The following SPON1 variants were observed in gnomAD, a reference collection of about 807,000 sequenced individuals.
The protein encoded by SPON1 is spondin-1.
In SPON1, 52 loss-of-function variants were observed where a neutral mutation model predicts 111.7. That is an observed-to-expected ratio of 0.47 (90% confidence interval 0.37 to 0.59). The LOEUF (loss-of-function observed/expected upper bound fraction) is 0.59. Ranked by LOEUF, SPON1 falls within the 20% of genes least tolerant of loss-of-function variation. The probability of loss-of-function intolerance (pLI) is 0.00; values close to 1 mark genes in which losing one functional copy is unlikely to be tolerated. For synonymous variants in SPON1, 410 were observed against 395.8 expected (o/e 1.04, Z -0.43); for missense variants, 957 against 1,068.5 (o/e 0.90, Z 1.46).
At chr11:14,109,092 C>T (rs187923637) in intron 5 of SPON1, among the ~76,000 whole-genome samples, 1 of 152,136 alleles carries the variant, frequency 6.6e-6, no homozygotes, top group East Asian at 1.9e-4. Flanking sequence ...TTTAAGGAAG[C>T]TCTCCCTGAT....
chr11:14,075,197 C>G, intron 3 of SPON1, 148 bp from the exon 4 acceptor site: 1 of 619,510 alleles, frequency 1.6e-6, no homozygotes, highest in Non-Finnish European at 2.9e-6. Flanking sequence ...GCAGGTATTG[C>G]TGTTATGTTA....
chr11:14,163,528 T>C (rs528053328), intron 6 of SPON1, among the ~76,000 whole-genome samples: 2 of 152,144 alleles, frequency 1.3e-5, no homozygotes, highest in Non-Finnish European at 2.9e-5. Context: ...TTACTTCTTA[T>C]AGCCCCCCAG....
At chr11:13,999,832 A>G (rs1848302506) in intron 2 of SPON1, among the ~76,000 whole-genome samples, 1 of 152,146 alleles carries the variant, frequency 6.6e-6, no homozygotes, top group Admixed American at 6.5e-5. Context: ...CCTTGGACAC[A>G]AACTTTCTCT....
intron 1 of SPON1, among the ~76,000 whole-genome samples, chr11:13,970,237 A>G: frequency 6.6e-6 from 1 of 152,170 alleles, no homozygotes; most frequent in East Asian, 1.9e-4. Flanking sequence ...CAGATAGGAC[A>G]GGGCAAGGAG....
At chr11:14,087,402 A>G (rs888878340) in intron 5 of SPON1, among the ~76,000 whole-genome samples, 2 of 152,076 alleles carry the variant, frequency 1.3e-5, no homozygotes, top group Admixed American at 6.6e-5. Flanking sequence ...TTTGTTATTT[A>G]CCCCATAGTC....
intron 6 of SPON1, among the ~76,000 whole-genome samples, chr11:14,153,590 A>G (rs1847810865): frequency 6.6e-6 from 1 of 152,204 alleles, no homozygotes. Flanking sequence ...ACAATTCAAC[A>G]TGAGATTCAT....
At position 14,041,753 on chromosome 11, in the gene SPON1, G is replaced by T. The variant is rs190759869; in HGVS notation, c.479+99G>T. The T allele has an allele frequency of 2.1e-3, 2,932 of 1,382,612 alleles. 3 individuals carry two copies. The highest frequency in any genetic ancestry group is 2.4e-3 in the Non-Finnish European group (2,460 of 1,012,276). 85.6% of individuals were successfully genotyped at this position (1,382,612 alleles called of 1,614,324 possible). A position where few individuals can be genotyped will look rare whatever the true frequency, so the allele number is the denominator to read the frequency against. ...GTTCTTTACTGAGCATCAGAAAGTT[G>T]CATCATCTCTCTGCCCTCCCTTATC... On this transcript the variant is annotated intron_variant, in intron 3 of 15. Transcript: ENST00000576479.
chr11:14,236,156 G>A (rs1848864503), intron 6 of SPON1, among the ~76,000 whole-genome samples: 1 of 152,142 alleles, frequency 6.6e-6, no homozygotes, highest in Admixed American at 6.5e-5. Context: ...TGGAGGAAGG[G>A]AGGGGAGGTA....
At chr11:14,156,573 C>T (rs1207916651) in intron 6 of SPON1, among the ~76,000 whole-genome samples, 9 of 151,604 alleles carry the variant, frequency 5.9e-5, no homozygotes, top group Admixed American at 3.3e-4. Context: ...CTTGCCCATG[C>T]CTATCTCCTG....
chr11:14,057,907 C>T (rs903399803), intron 3 of SPON1, among the ~76,000 whole-genome samples: 8 of 151,318 alleles, frequency 5.3e-5, no homozygotes, highest in Admixed American at 2.6e-4. Flanking sequence ...GTCCCAGCTA[C>T]TAAGGAGGCT....
In SPON1 at chr11:14,260,620, G is replaced by A. The variant is rs782728006; in HGVS notation, c.1864G>A (p.Glu622Lys). Residue 622 changes from glutamate (E) to lysine (K), a missense_variant, in exon 14 of 16, where the codon GAG becomes AAG. Glu to Lys is a moderately conservative substitution (Grantham distance 56). Coordinates refer to ENST00000576479, the MANE Select transcript of SPON1 (RefSeq NM_006108.4). ...CCCATGCTTGCTGTCCCCATGGTCC[G>A]AGTGGAGTGACTGCAGCGTGACCTG... ...TIPCLLSPWS[E>K]WSDCSVTCGK... is the part of the protein sequence containing the mutation. The A allele has an allele frequency of 1.6e-5, 26 of 1,613,830 alleles. No homozygotes were observed. Among genetic ancestry groups the A allele is most frequent in the Non-Finnish European group, 1.8e-5 (21 of 1,179,884 alleles).
intron 6 of SPON1, among the ~76,000 whole-genome samples, chr11:14,191,736 G>A (rs1051801856): frequency 7.2e-5 from 11 of 152,168 alleles, no homozygotes; most frequent in African/African-American, 2.4e-4. Flanking sequence ...ATACATCTGT[G>A]ACTTGAAACA....
chr11:13,993,726 A>G (rs1415165750), intron 2 of SPON1, among the ~76,000 whole-genome samples: 2 of 152,358 alleles, frequency 1.3e-5, no homozygotes, highest in Non-Finnish European at 2.9e-5. Context: ...TAAGATCTAC[A>G]GGGCAGGATT....
chr11:14,218,807 T>C (rs1187538595), intron 6 of SPON1, among the ~76,000 whole-genome samples: 2 of 152,198 alleles, frequency 1.3e-5, no homozygotes, highest in African/African-American at 4.8e-5. Context: ...CAAATATCCA[T>C]TTCTTTTCTC....
intron 6 of SPON1, among the ~76,000 whole-genome samples, chr11:14,210,104 G>C (rs782407994): frequency 6.6e-6 from 1 of 152,142 alleles, no homozygotes; most frequent in African/African-American, 2.4e-5. Context: ...TTTTTGATGG[G>C]GTTGTTTGTA....
intron 2 of SPON1, among the ~76,000 whole-genome samples, chr11:13,999,106 A>G (rs1554912160): frequency 6.6e-6 from 1 of 152,178 alleles, no homozygotes; most frequent in Non-Finnish European, 1.5e-5. Context: ...TAAAATCTAA[A>G]GAGTAAATGG....
chr11:14,120,362 G>T (rs1035668393), intron 5 of SPON1, among the ~76,000 whole-genome samples: 12 of 151,990 alleles, frequency 7.9e-5, no homozygotes, highest in Admixed American at 7.9e-4. Flanking sequence ...GCTCAATATG[G>T]CCATGCCCAT....
In SPON1 at chr11:14,267,808, A is replaced by T. The variant is rs978019811; in HGVS notation, c.*2121A>T. 1 of 152,240 alleles carries T rather than the reference A, an allele frequency of 6.6e-6. No homozygotes were observed. Among genetic ancestry groups the T allele is most frequent in the Non-Finnish European group, 1.5e-5 (1 of 68,044 alleles). The allele number at this position is 152,240 out of a possible 1,614,324, so 9.4% of individuals were successfully genotyped here. A position where few individuals can be genotyped will look rare whatever the true frequency, so the allele number is the denominator to read the frequency against. ...GGAAATAAAGATTTTTTACTACAAA[A>T]ATGAAATTTGTTTGGACTTCCACTT... is the stretch of plus-strand genomic sequence containing the variant. On this transcript the variant is annotated 3_prime_UTR_variant, in exon 16 of 16. Coordinates refer to ENST00000576479, the MANE Select transcript of SPON1 (RefSeq NM_006108.4).
intron 1 of SPON1, among the ~76,000 whole-genome samples, chr11:13,963,976 C>T (rs905036830): frequency 5.9e-5 from 9 of 152,272 alleles, no homozygotes; most frequent in African/African-American, 2.2e-4. Flanking sequence ...CCAGGGATGT[C>T]GCGCCTACGC....
Sources: gnomAD v4.1 joint callset for allele counts (sites outside exome capture counted in the v4.1 genomes callset) on GRCh38, gnomAD v4.1.1 for gene constraint, MANE v1.5 for transcripts, NCBI Gene and HGNC (gene_info 2026-07-23, HGNC 2026-07-21) for gene names.